The following UPF2 variants were observed in gnomAD, a reference collection of about 807,000 sequenced individuals.
UPF2 encodes UPF2 regulator of nonsense mediated mRNA decay.
In UPF2, 17 loss-of-function variants were observed where a neutral mutation model predicts 141.4. The ratio of observed to expected loss-of-function variants is 0.12; its 90% confidence interval spans 0.08 to 0.18. The LOEUF (loss-of-function observed/expected upper bound fraction) is 0.18. UPF2 is among the 10% of genes least tolerant of loss of function. The pLI is 1.00. For synonymous variants in UPF2, 540 were observed against 498.0 expected (o/e 1.08, Z -1.12); for missense variants, 1,152 against 1,515.9 (o/e 0.76, Z 3.99).
At position 11,998,722 on chromosome 10, in the gene UPF2, C is replaced by T. The variant is rs926299400; in HGVS notation, c.1759-965G>A. Among the ~76,000 whole-genome samples, 5 of 151,946 alleles carry T rather than the reference C, an allele frequency of 3.3e-5. No homozygotes were observed. The highest frequency in any genetic ancestry group is 5.9e-5 in the Non-Finnish European group (4 of 67,974). On this transcript the variant is annotated intron_variant, in intron 7 of 21. Transcript: ENST00000357604. This position sits in a 1 kb window ranked among gnomAD's most constrained non-coding sequence, Gnocchi z 4.5. ...ATAAAAAATTAGCCGGGCATGGTGG[C>T]GGGCACCTGTAGTCCCAGCTACTCG...
intron 9 of UPF2, among the ~76,000 whole-genome samples, chr10:11,977,384 G>A (rs1403163229): frequency 1.3e-5 from 2 of 152,100 alleles, no homozygotes; most frequent in Non-Finnish European, 2.9e-5. Flanking sequence ...CGAGAGCACT[G>A]GTTCCCAAAG....
intron 14 of UPF2, among the ~76,000 whole-genome samples, chr10:11,952,602 G>A (rs1227403014): frequency 6.7e-6 from 1 of 150,146 alleles, no homozygotes; most frequent in Non-Finnish European, 1.5e-5. Context: ...AGCCTCCCGA[G>A]CAGCTGGGAC....
chr10:11,962,352 C>T (rs965450286), intron 11 of UPF2, among the ~76,000 whole-genome samples: 1 of 152,176 alleles, frequency 6.6e-6, no homozygotes. Context: ...TGTTCCCTCC[C>T]CTTTATTCCC....
intron 21 of UPF2, among the ~76,000 whole-genome samples, chr10:11,925,176 C>A (rs1832696380): frequency 1.3e-5 from 2 of 152,166 alleles, no homozygotes; most frequent in Non-Finnish European, 2.9e-5. Context: ...GGTAAAATCT[C>A]ATGTTTCCAT....
At chr10:12,031,186 A>C (rs887510765) in intron 2 of UPF2, among the ~76,000 whole-genome samples, 4 of 151,494 alleles carry the variant, frequency 2.6e-5, no homozygotes, top group Non-Finnish European at 4.4e-5. Context: ...AAAAAAAAAA[A>C]AAAACAAAAC....
rs190165606 is a variant in UPF2, at chr10:11,926,734, T to C, written c.3809+3131A>G. On this transcript the variant is annotated intron_variant, in intron 21 of 21. Coordinates refer to ENST00000357604, the MANE Select transcript of UPF2 (RefSeq NM_015542.4). ...TGAACCTCTTTTCTAGCATAGCCAC[T>C]GGGGTGGGCAATGCCTCCCACTGCC... Among the ~76,000 whole-genome samples, 293 of 152,226 alleles carry C rather than the reference T, an allele frequency of 1.9e-3. 2 individuals carry two copies. The highest frequency in any genetic ancestry group is 6.7e-3 in the African/African-American group (279 of 41,540).
chr10:11,942,576 G>C (rs1456453596), intron 18 of UPF2, 89 bp downstream of exon 18: 2 of 1,165,528 alleles, frequency 1.7e-6, no homozygotes, highest in Admixed American at 2.0e-5. Flanking sequence ...GAGACACTTA[G>C]ATAGGAGAGG....
At chr10:12,009,740 C>T (rs1834096850) in intron 4 of UPF2, among the ~76,000 whole-genome samples, 1 of 152,056 alleles carries the variant, frequency 6.6e-6, no homozygotes, top group South Asian at 2.1e-4. Flanking sequence ...AATACTCTAC[C>T]CAAGGTAGGC....
In UPF2 at chr10:11,921,065, C is replaced by T. The variant is rs199672631; in HGVS notation, c.*233G>A. The T allele has an allele frequency of 1.1e-4, 79 of 750,006 alleles. No individual in the cohort carries two copies. The highest frequency in any genetic ancestry group is 7.0e-4 in the Middle Eastern group (3 of 4,258). The allele number at this position is 750,006 out of a possible 1,614,324, so 46.5% of individuals were successfully genotyped here. ...ATTCTCAAGAGAAGATTAACCCTCG[C>T]GAGATTTCCATTACAAAAGGCCTTT... On this transcript the variant is annotated 3_prime_UTR_variant, in exon 22 of 22. Transcript: ENST00000357604. The surrounding 1 kb of genome is among the most constrained non-coding windows in gnomAD (Gnocchi z 5.9).
intron 1 of UPF2, among the ~76,000 whole-genome samples, chr10:12,039,848 G>A (rs569164599): frequency 2.6e-4 from 39 of 152,106 alleles, no homozygotes; most frequent in Non-Finnish European, 4.0e-4. Context: ...TCAAACTCCC[G>A]ACCTCAGGTG....
In UPF2 at chr10:12,014,627, A is replaced by G. The variant is rs186189828; in HGVS notation, c.1146-443T>C. Reference sequence around the variant, plus strand: ...ATCATATTTAACAATATATCACAAAATAATCAAAAATTATTTGGTTTTTTA... The same window carrying G: ...ATCATATTTAACAATATATCACAAAGTAATCAAAAATTATTTGGTTTTTTA... On this transcript the variant is annotated intron_variant, in intron 3 of 21. Coordinates refer to ENST00000357604, the MANE Select transcript of UPF2 (RefSeq NM_015542.4). The surrounding 1 kb of genome is among the most constrained non-coding windows in gnomAD (Gnocchi z 5.0). Among the ~76,000 whole-genome samples the G allele has an allele frequency of 2.0e-5, 3 of 152,342 alleles. No homozygotes were observed. The East Asian group carries it at 5.8e-4, about 29-fold the overall frequency.
In UPF2 at chr10:12,042,428, C is replaced by T. The variant is rs919056723; in HGVS notation, c.-19+327G>A. Among the ~76,000 whole-genome samples the T allele has an allele frequency of 6.6e-6, 1 of 152,168 alleles. No individual in the cohort carries two copies. The highest frequency in any genetic ancestry group is 2.4e-5 in the African/African-American group (1 of 41,448). The stretch of plus-strand genomic sequence containing the variant: ...CGACCTCCCCTCGCTCTCCTCCACG[C>T]CCCCGAACACTTTCGCCCCTCCACC... On this transcript the variant is annotated intron_variant, in intron 1 of 21. Coordinates refer to ENST00000357604, the MANE Select transcript of UPF2 (RefSeq NM_015542.4). The surrounding 1 kb of genome is among the most constrained non-coding windows in gnomAD (Gnocchi z 5.5).
In UPF2 at chr10:11,952,281, A is replaced by G. The variant is rs1369569591; in HGVS notation, c.2851-32T>C. ...ACAAATGAAAAATAAATTTAGCTAT[A>G]AGAAATTAGTAACAAAATATTTTAA... On this transcript the variant is annotated intron_variant, in intron 14 of 21. Transcript: ENST00000357604. The G allele has an allele frequency of 7.2e-6, 11 of 1,536,112 alleles. No homozygotes were observed. In the Admixed American group the frequency reaches 1.5e-4, roughly 21 times the overall value.
Position 12,029,074 on chromosome 10 carries a change from C to G in UPF2, c.816G>C (p.Leu272Phe). The change falls in exon 3 of 22, where the codon TTG becomes TTC. Residue 272 changes from leucine (L) to phenylalanine (F), a missense_variant. Coordinates refer to ENST00000357604, the MANE Select transcript of UPF2 (RefSeq NM_015542.4). Reference protein sequence around the residue: ...LRTDLRFIAELTIVGIFTDKE... With the variant: ...LRTDLRFIAEFTIVGIFTDKE... ...TGTCAGTGAAAATCCCAACTATTGT[C>G]AATTCTGCAATAAAACGCAAATCAG... 1 of 1,614,194 alleles carries G rather than the reference C, an allele frequency of 6.2e-7. No homozygotes were observed. The highest frequency in any genetic ancestry group is 8.5e-7 in the Non-Finnish European group (1 of 1,180,042).
intron 8 of UPF2, among the ~76,000 whole-genome samples, chr10:11,996,635 C>T (rs187380304): frequency 4.6e-4 from 70 of 152,282 alleles, no homozygotes; most frequent in African/African-American, 1.5e-3. Flanking sequence ...TGAGCCACCG[C>T]GCCTGGCCTG....
intron 18 of UPF2, among the ~76,000 whole-genome samples, chr10:11,937,572 G>A (rs1489630775): frequency 6.6e-6 from 1 of 152,160 alleles, no homozygotes; most frequent in Non-Finnish European, 1.5e-5. Context: ...ATCGAGGCAG[G>A]GGAAGAACAG....
At chr10:11,971,531 C>T (rs1385715423) in intron 9 of UPF2, among the ~76,000 whole-genome samples, 1 of 152,110 alleles carries the variant, frequency 6.6e-6, no homozygotes, top group Non-Finnish European at 1.5e-5. Context: ...GGATTACAGG[C>T]GTGAGCCACC....
chr10:11,942,929 A>G (rs1346590033), intron 17 of UPF2, 135 bp downstream of exon 17: 4 of 949,284 alleles, frequency 4.2e-6, no homozygotes, highest in Non-Finnish European at 6.3e-6. Context: ...AATGGTTAGG[A>G]AAACAAATTG....
intron 2 of UPF2, 79 bp from the exon 3 acceptor site, chr10:12,029,603 C>A: frequency 2.1e-6 from 3 of 1,425,146 alleles, no homozygotes; most frequent in Non-Finnish European, 2.8e-6. Context: ...GAGTAAAAAG[C>A]CAATGAAAAA....
Sources: gnomAD v4.1 joint callset for allele counts (sites outside exome capture counted in the v4.1 genomes callset) on GRCh38, gnomAD v4.1.1 for gene constraint, Gnocchi (gnomAD v3.1) non-coding constraint, MANE v1.5 for transcripts, NCBI Gene and HGNC (gene_info 2026-07-23, HGNC 2026-07-21) for gene names.